Variants in MIB1 observed in about 807,000 individuals in gnomAD.
MIB1 encodes MIB E3 ubiquitin protein ligase 1.
In MIB1, 278 loss-of-function variants were observed where a neutral mutation model predicts 124.5. The ratio of observed to expected loss-of-function variants is 2.23; its 90% confidence interval spans 2.02 to 2.47. The LOEUF (loss-of-function observed/expected upper bound fraction) is 2.47. Among genes scored for constraint, MIB1 ranks in the 30% most tolerant of loss-of-function variants. MIB1 has a pLI of 0.00. For synonymous variants in MIB1, 446 were observed against 429.4 expected (o/e 1.04, Z -0.48); for missense variants, 957 against 1,254.4 (o/e 0.76, Z 3.58).
At chr18:21,830,602 C>CT (rs928282375) in intron 12 of MIB1, 1 of 152,052 alleles carries the variant, frequency 6.6e-6, no homozygotes, top group Non-Finnish European at 1.5e-5. Flanking sequence ...AAGTACAGGC[C>CT]TTATGGTGCT....
upstream of MIB1, among the ~76,000 whole-genome samples, chr18:21,736,859 G>T (rs2040798800): frequency 6.6e-6 from 1 of 152,070 alleles, no homozygotes; most frequent in Non-Finnish European, 1.5e-5. Context: ...AAGAAATATG[G>T]GACTATGTAA....
At chr18:21,833,944 T>C (rs1350811465) in intron 12 of MIB1, among the ~76,000 whole-genome samples, 3 of 152,156 alleles carry the variant, frequency 2.0e-5, no homozygotes, top group Non-Finnish European at 4.4e-5. Context: ...AGGGAAAATA[T>C]CTCTAAATCT....
intron 1 of MIB1, among the ~76,000 whole-genome samples, chr18:21,751,687 T>G (rs540362530): frequency 3.2e-4 from 48 of 151,404 alleles, no homozygotes; most frequent in African/African-American, 1.1e-3. Context: ...TCCCCTTCCT[T>G]TCTTTCTTCC....
At chr18:21,799,283 T>C (rs2041623012) in intron 8 of MIB1, among the ~76,000 whole-genome samples, 1 of 152,094 alleles carries the variant, frequency 6.6e-6, no homozygotes, top group African/African-American at 2.4e-5. Flanking sequence ...CCCTGGTTCA[T>C]TGTTGTTTTT....
rs1261857969 is a variant in MIB1 at position 21,866,919 on chromosome 18, G to C, written c.*2253G>C. 1 of 152,478 alleles carries C rather than the reference G, an allele frequency of 6.6e-6. No homozygotes were observed. Among genetic ancestry groups the C allele is most frequent in the Admixed American group, 6.6e-5 (1 of 15,264 alleles). The allele number at this position is 152,478 out of a possible 1,614,324, so 9.4% of individuals were successfully genotyped here. On this transcript the variant is annotated 3_prime_UTR_variant, in exon 21 of 21. Transcript: ENST00000261537. ...TTAAATTTATTTTGGGTTTGTGAGA[G>C]ATAATAAGATTAAGAACTTCATCAT...
intron 1 of MIB1, among the ~76,000 whole-genome samples, chr18:21,728,013 G>A (rs1182405223): frequency 1.3e-5 from 2 of 152,172 alleles, no homozygotes; most frequent in Admixed American, 1.3e-4. Context: ...CACAGAAACT[G>A]AGAGCGAATA....
At chr18:21,749,506 A>G (rs184849296) in intron 1 of MIB1, among the ~76,000 whole-genome samples, 135 of 152,302 alleles carry the variant, frequency 8.9e-4, no homozygotes, top group African/African-American at 3.1e-3. Context: ...TGTTACAGGA[A>G]TTTCTGTTAT....
At chr18:21,818,654 T>G (rs1438722519) in intron 11 of MIB1, among the ~76,000 whole-genome samples, 1 of 151,964 alleles carries the variant, frequency 6.6e-6, no homozygotes, top group African/African-American at 2.4e-5. Context: ...AAAAAGAACT[T>G]TGCCGGGCAA....
intron 18 of MIB1, among the ~76,000 whole-genome samples, chr18:21,856,502 T>C (rs550638349): frequency 1.8e-3 from 280 of 152,362 alleles, no homozygotes; most frequent in Non-Finnish European, 2.6e-3. Flanking sequence ...AATTGTTCAT[T>C]GTATTTTAGC....
chr18:21,800,199 C>T (rs1327946963), intron 9 of MIB1, among the ~76,000 whole-genome samples: 1 of 151,894 alleles, frequency 6.6e-6, no homozygotes, highest in Non-Finnish European at 1.5e-5. Context: ...GATTTACACA[C>T]TTACATTTTG....
At chr18:21,828,057 A>G (rs1428172338) in intron 12 of MIB1, 1 of 152,008 alleles carries the variant, frequency 6.6e-6, no homozygotes, top group Non-Finnish European at 1.5e-5. Flanking sequence ...AATAATATAC[A>G]AACTGTGTGA....
chr18:21,731,486 C>A (rs2146364350), intron 1 of MIB1, among the ~76,000 whole-genome samples: 1 of 152,214 alleles, frequency 6.6e-6, no homozygotes, highest in Non-Finnish European at 1.5e-5. Context: ...GTAATCCCAG[C>A]ACATTGAGAA....
At chr18:21,743,483 G>A (rs1476933574) in intron 1 of MIB1, among the ~76,000 whole-genome samples, 1 of 152,194 alleles carries the variant, frequency 6.6e-6, no homozygotes, top group Non-Finnish European at 1.5e-5. Flanking sequence ...TATATGTGTT[G>A]AGTATTTCTG....
chr18:21,855,502 T>G (rs2042218325), intron 18 of MIB1, among the ~76,000 whole-genome samples: 1 of 152,244 alleles, frequency 6.6e-6, no homozygotes, highest in African/African-American at 2.4e-5. Context: ...TAGTCCTTTA[T>G]GTTTAAGAAA....
intron 1 of MIB1, among the ~76,000 whole-genome samples, chr18:21,728,787 A>G (rs555910947): frequency 1.4e-4 from 22 of 152,354 alleles, no homozygotes; most frequent in South Asian, 4.1e-4. Context: ...TCAAACATTT[A>G]TCATTTCTTT....
upstream of MIB1, among the ~76,000 whole-genome samples, chr18:21,736,101 G>T (rs906853797): frequency 6.6e-6 from 1 of 152,212 alleles, no homozygotes; most frequent in Non-Finnish European, 1.5e-5. Flanking sequence ...CCCAGTAGGG[G>T]CCGACAGACA....
chr18:21,787,514 G>A (rs1434713377), intron 6 of MIB1, among the ~76,000 whole-genome samples: 2 of 152,178 alleles, frequency 1.3e-5, no homozygotes, highest in Non-Finnish European at 2.9e-5. Context: ...TCCTGCAAGG[G>A]AACCCAAGTT....
chr18:21,807,354 C>T (rs1042961264), intron 10 of MIB1, among the ~76,000 whole-genome samples: 2 of 152,084 alleles, frequency 1.3e-5, no homozygotes, highest in African/African-American at 4.8e-5. Flanking sequence ...ATCACCTGAG[C>T]CCAGGAAGCC....
chr18:21,728,432 G>T (rs1248619020), intron 1 of MIB1, among the ~76,000 whole-genome samples: 1 of 152,126 alleles, frequency 6.6e-6, no homozygotes, highest in Non-Finnish European at 1.5e-5. Flanking sequence ...GGTGGAGGTT[G>T]CAGTGAGCCA....
Sources: allele counts gnomAD v4.1 joint callset (sites outside exome capture counted in the v4.1 genomes callset), GRCh38; gene constraint gnomAD v4.1.1; transcripts MANE v1.5; gene names NCBI Gene and HGNC (gene_info 2026-07-23, HGNC 2026-07-21).